The following CCSER2 variants were observed in gnomAD, a reference collection of about 807,000 sequenced individuals.
The protein encoded by CCSER2 is serine-rich coiled-coil domain-containing protein 2.
Under a neutral mutation model 92.3 loss-of-function variants are expected in CCSER2, and 46 were observed. The observed-to-expected ratio is 0.50, with a 90% CI of 0.39 to 0.64. CCSER2 has a LOEUF of 0.64. CCSER2 is among the 30% of genes least tolerant of loss of function. The pLI is 0.00. For missense variants in CCSER2, 1,244 were observed against 1,238.9 expected, an observed-to-expected ratio of 1.00 and a Z score of -0.06; for synonymous variants, 433 against 431.4, an observed-to-expected ratio of 1.00 and a Z score of -0.04.
intron 1 of CCSER2, among the ~76,000 whole-genome samples, chr10:84,332,423 TA>T (rs1843613810): frequency 2.5e-5 from 2 of 81,508 alleles, no homozygotes; most frequent in Non-Finnish European, 4.5e-5. Flanking sequence ...TATATATATA[TA>T]TATATATATA....
intron 6 of CCSER2, among the ~76,000 whole-genome samples, chr10:84,447,283 T>C (rs2133564770): frequency 6.6e-6 from 1 of 152,348 alleles, no homozygotes; most frequent in East Asian, 1.9e-4. Context: ...CGAATTTGTG[T>C]CATATGGATA....
At chr10:84,358,932 A>G (rs1354398673) in intron 1 of CCSER2, among the ~76,000 whole-genome samples, 1 of 152,126 alleles carries the variant, frequency 6.6e-6, no homozygotes, top group Non-Finnish European at 1.5e-5. Context: ...TCATATGTAC[A>G]GAAGCTTATG....
chr10:84,510,852 A>G (rs2131878934), intron 9 of CCSER2, among the ~76,000 whole-genome samples: 1 of 152,300 alleles, frequency 6.6e-6, no homozygotes, highest in African/African-American at 2.4e-5. Flanking sequence ...TCCACATACC[A>G]GGAGCAAGTT....
chr10:84,500,081 TA>T, intron 9 of CCSER2: 2 of 1,344,876 alleles, frequency 1.5e-6, no homozygotes, highest in Non-Finnish European at 2.1e-6. Flanking sequence ...AGGCATCTGC[TA>T]AAGCAGCACT....
chr10:84,441,142 T>A (rs1844508105), intron 6 of CCSER2, among the ~76,000 whole-genome samples: 1 of 152,232 alleles, frequency 6.6e-6, no homozygotes, highest in Non-Finnish European at 1.5e-5. Context: ...TTATCTGTTA[T>A]CTTTCTGGAA....
chr10:84,491,321 G>T (rs1848150008), intron 9 of CCSER2, among the ~76,000 whole-genome samples: 1 of 152,184 alleles, frequency 6.6e-6, no homozygotes, highest in African/African-American at 2.4e-5. Context: ...TTGTTTGGCT[G>T]TGCCCTGCCC....
chr10:84,358,496 G>C (rs766523751), intron 1 of CCSER2, among the ~76,000 whole-genome samples: 20 of 151,988 alleles, frequency 1.3e-4, no homozygotes, highest in Non-Finnish European at 2.6e-4. Flanking sequence ...ATTTTACTTT[G>C]TCTAAATTCA....
intron 1 of CCSER2, among the ~76,000 whole-genome samples, chr10:84,339,231 T>C (rs1328459168): frequency 6.6e-6 from 1 of 151,700 alleles, no homozygotes; most frequent in African/African-American, 2.4e-5. Flanking sequence ...CTTGAACTCC[T>C]AGTGTCAAGC....
intron 3 of CCSER2, among the ~76,000 whole-genome samples, chr10:84,410,764 T>A (rs1176044215): frequency 1.3e-5 from 2 of 152,196 alleles, no homozygotes; most frequent in Non-Finnish European, 2.9e-5. Context: ...AAGCTCTTAA[T>A]TAGATCCCAT....
intron 1 of CCSER2, among the ~76,000 whole-genome samples, chr10:84,352,934 G>A (rs1844945194): frequency 6.6e-6 from 1 of 151,976 alleles, no homozygotes; most frequent in Admixed American, 6.6e-5. Flanking sequence ...GGGATTACAG[G>A]CATGTGCCCC....
chr10:84,478,558 AT>A (rs750372289), intron 9 of CCSER2, among the ~76,000 whole-genome samples: 2 of 152,064 alleles, frequency 1.3e-5, no homozygotes, highest in African/African-American at 4.8e-5. Context: ...TCTAACAAGT[AT>A]TTTTTTTGTG....
At chr10:84,360,543 A>G (rs1845440825) in intron 1 of CCSER2, among the ~76,000 whole-genome samples, 2 of 152,224 alleles carry the variant, frequency 1.3e-5, no homozygotes, top group South Asian at 4.1e-4. Flanking sequence ...CTTACATACA[A>G]TAAAATACAT....
rs578252598 is a variant in CCSER2 at position 84,512,366 on chromosome 10, C to T, written c.2326-1083C>T. 1.4e-4 allele frequency among the ~76,000 whole-genome samples: 14 copies of T among 97,188 alleles called. 2 individuals carry two copies. In the South Asian group the frequency reaches 4.3e-3, roughly 30 times the overall value. The allele number at this position is 97,188 out of a possible 152,430, so 63.8% of individuals were successfully genotyped here. On this transcript the variant is annotated intron_variant, in intron 9 of 9. Coordinates refer to ENST00000372088, the MANE Select transcript of CCSER2 (RefSeq NM_001284240.2). ...GACATTTTAGCCCACATTATTTAAA[C>T]AGTGTGTGTGTGTGTGTGTGTGTGT...
chr10:84,392,418 G>T (rs947488179), intron 3 of CCSER2, among the ~76,000 whole-genome samples: 8 of 150,136 alleles, frequency 5.3e-5, no homozygotes, highest in African/African-American at 2.0e-4. Flanking sequence ...CCATATAAAT[G>T]ATGCATAGGG....
intron 9 of CCSER2, among the ~76,000 whole-genome samples, chr10:84,488,629 T>C (rs1188201520): frequency 6.6e-6 from 1 of 152,192 alleles, no homozygotes; most frequent in African/African-American, 2.4e-5. Context: ...TTCTTCTCTC[T>C]TTTCTTCTTT....
chr10:84,490,554 C>T (rs943835798), intron 9 of CCSER2, among the ~76,000 whole-genome samples: 14 of 152,180 alleles, frequency 9.2e-5, no homozygotes, highest in Non-Finnish European at 1.6e-4. Flanking sequence ...CTTGTGCATT[C>T]GTCACGTAGT....
chr10:84,454,724 AG>A, intron 6 of CCSER2: 1 of 172,876 alleles, frequency 5.8e-6, no homozygotes. Flanking sequence ...GATTACACCC[AG>A]GCTCTATTAA....
In CCSER2 at chr10:84,373,828, T is replaced by G. The variant is rs369098900; in HGVS notation, c.1614+13T>G. On this transcript the variant is annotated intron_variant, in intron 3 of 9. Coordinates refer to ENST00000372088, the MANE Select transcript of CCSER2 (RefSeq NM_001284240.2). ...AATGAACAGCATAGTATGTATGGAT[T>G]TATATACTCTTGGAATATTTTGTTT... 2.1e-4 allele frequency: 342 copies of G among 1,613,388 alleles called. No homozygotes were observed. The highest frequency in any genetic ancestry group is 2.0e-3 in the Admixed American group (120 of 59,916).
chr10:84,434,316 C>T (rs916932086), intron 5 of CCSER2, among the ~76,000 whole-genome samples: 6 of 152,092 alleles, frequency 3.9e-5, no homozygotes, highest in Admixed American at 6.6e-5. Context: ...CTTTCTGTCC[C>T]GTGTTCCCGC....
Sources: allele counts gnomAD v4.1 joint callset (sites outside exome capture counted in the v4.1 genomes callset), GRCh38; gene constraint gnomAD v4.1.1; transcripts MANE v1.5; gene names NCBI Gene and HGNC (gene_info 2026-07-23, HGNC 2026-07-21).